FAM124A: variants seen among roughly 807,000 people sequenced by gnomAD.
FAM124A encodes protein FAM124A.
In FAM124A, 23 loss-of-function variants were observed where a neutral mutation model predicts 24.5. The observed-to-expected ratio is 0.94, with a 90% CI of 0.68 to 1.33. The LOEUF is 1.33. Ranked by LOEUF, FAM124A falls within the 40% of genes most tolerant of loss-of-function variation. The pLI is 0.00. For synonymous variants in FAM124A, 287 were observed against 314.7 expected, an observed-to-expected ratio of 0.91 and a Z score of 0.93; for missense variants, 623 against 722.8, an observed-to-expected ratio of 0.86 and a Z score of 1.58.
At chr13:51,239,000 A>T (rs78371321) in intron 2 of FAM124A, among the ~76,000 whole-genome samples, 1,549 of 152,248 alleles carry the variant, frequency 0.01, 21 homozygotes, top group East Asian at 0.065. Flanking sequence ...AACTCGACAG[A>T]GGGTGTTGAT....
At chr13:51,227,220 C>G (rs1954324245) in intron 1 of FAM124A, 1 of 152,122 alleles carries the variant, frequency 6.6e-6, no homozygotes, top group African/African-American at 2.4e-5. Context: ...GGGCATGCCT[C>G]ACTATTCTAA....
At chr13:51,261,894 C>T (rs900748645) in intron 3 of FAM124A, among the ~76,000 whole-genome samples, 3 of 152,222 alleles carry the variant, frequency 2.0e-5, no homozygotes, top group East Asian at 1.9e-4. Flanking sequence ...TCAGCAAACT[C>T]TTTGAACAGC....
chr13:51,224,331 T>C (rs7333495), intron 1 of FAM124A, among the ~76,000 whole-genome samples: 69,991 of 151,990 alleles, frequency 0.46, 16,853 homozygotes, highest in East Asian at 0.65. Flanking sequence ...ATTAGCCAGG[T>C]GTGGTGGCGC....
chr13:51,223,017 G>T (rs1181613210), intron 1 of FAM124A, among the ~76,000 whole-genome samples: 1 of 152,088 alleles, frequency 6.6e-6, no homozygotes, highest in Non-Finnish European at 1.5e-5. Flanking sequence ...TAGGAGGATG[G>T]CATTTCTCGT....
At chr13:51,270,443 T>G (rs1954830078) in intron 3 of FAM124A, among the ~76,000 whole-genome samples, 1 of 152,188 alleles carries the variant, frequency 6.6e-6, no homozygotes, top group African/African-American at 2.4e-5. Context: ...TTTATAATGT[T>G]CTTATTTGCT....
At chr13:51,233,606 C>T (rs984682246) in intron 2 of FAM124A, among the ~76,000 whole-genome samples, 18 of 152,124 alleles carry the variant, frequency 1.2e-4, no homozygotes, top group Admixed American at 1.0e-3. Flanking sequence ...AGCACCAGCA[C>T]GGTGCCTGGC....
Position 51,258,543 on chromosome 13 carries a change from G to A in FAM124A, c.834+6342G>A, listed in dbSNP as rs114497648. On this transcript the variant is annotated intron_variant, in intron 3 of 3. Coordinates refer to ENST00000322475, the MANE Select transcript of FAM124A (RefSeq NM_001242312.2). This position sits in a 1 kb window ranked among gnomAD's most constrained non-coding sequence, Gnocchi z 4.2. ...CTTATGCCAGGCTTCACCTTTCAGA[G>A]CAATGGAGATGGCAGACATGCAAAC... 0.018 allele frequency among the ~76,000 whole-genome samples: 2,791 copies of A among 152,268 alleles called. 81 individuals are homozygous for A. The highest frequency in any genetic ancestry group is 0.063 in the African/African-American group (2,597 of 41,516).
chr13:51,277,126 G>T (rs1954892585), intron 3 of FAM124A, among the ~76,000 whole-genome samples: 1 of 152,056 alleles, frequency 6.6e-6, no homozygotes, highest in African/African-American at 2.4e-5. Flanking sequence ...GGTATATATA[G>T]CATGGAATAC....
At chr13:51,252,859 G>C (rs1252750499) in intron 3 of FAM124A, 1 of 152,476 alleles carries the variant, frequency 6.6e-6, no homozygotes, top group Admixed American at 6.5e-5. Flanking sequence ...TTCATTTTAA[G>C]TAGGCTGCCC....
Position 51,280,443 on chromosome 13 carries a change from C to G in FAM124A, c.835-7C>G. ...TGCACTAATGTGATCTGCCTCTCCC[C>G]CCACAGGCACAAAGGGTGCATAAGA... On this transcript the variant is annotated splice_polypyrimidine_tract_variant and splice_region_variant and intron_variant, in intron 3 of 3. Transcript: ENST00000322475. 6.3e-7 allele frequency: 1 copy of G among 1,580,404 alleles called. No individual in the cohort carries two copies. The highest frequency in any genetic ancestry group is 8.6e-7 in the Non-Finnish European group (1 of 1,160,668).
intron 3 of FAM124A, chr13:51,252,665 G>A (rs1045639173): frequency 6.2e-6 from 1 of 162,208 alleles, no homozygotes; most frequent in Non-Finnish European, 1.4e-5. Context: ...GTTCATAGAG[G>A]AGATAGCTGT....
chr13:51,238,254 G>A (rs1340882253), intron 2 of FAM124A, among the ~76,000 whole-genome samples: 3 of 152,204 alleles, frequency 2.0e-5, no homozygotes, highest in African/African-American at 7.2e-5. Context: ...TTGCTGCTCA[G>A]AGTGTGGTCC....
At chr13:51,235,273 C>T (rs1954423906) in intron 2 of FAM124A, among the ~76,000 whole-genome samples, 1 of 151,764 alleles carries the variant, frequency 6.6e-6, no homozygotes, top group South Asian at 2.1e-4. Flanking sequence ...CCTGTTTTTC[C>T]AGAAATCTAA....
intron 3 of FAM124A, among the ~76,000 whole-genome samples, chr13:51,278,205 G>A (rs1415145880): frequency 6.6e-6 from 1 of 152,188 alleles, no homozygotes; most frequent in African/African-American, 2.4e-5. Flanking sequence ...AAAGCCAGGG[G>A]GAGGCTTCCA....
chr13:51,270,275 A>G (rs1340469841), intron 3 of FAM124A, among the ~76,000 whole-genome samples: 1 of 152,204 alleles, frequency 6.6e-6, no homozygotes, highest in African/African-American at 2.4e-5. Context: ...CAAACTTGAG[A>G]TAACTCATTA....
At chr13:51,260,544 G>C (rs1002729094) in intron 3 of FAM124A, among the ~76,000 whole-genome samples, 2 of 152,208 alleles carry the variant, frequency 1.3e-5, no homozygotes, top group African/African-American at 4.8e-5. Context: ...GGCTAAGTGT[G>C]ATCTAATATC....
At chr13:51,267,594 G>T (rs1218622289) in intron 3 of FAM124A, among the ~76,000 whole-genome samples, 1 of 151,986 alleles carries the variant, frequency 6.6e-6, no homozygotes, top group Non-Finnish European at 1.5e-5. Flanking sequence ...TAGGTTTCAT[G>T]TAAATAAGAT....
At chr13:51,223,538 T>C (rs899433521) in intron 1 of FAM124A, among the ~76,000 whole-genome samples, 2 of 152,136 alleles carry the variant, frequency 1.3e-5, no homozygotes, top group Non-Finnish European at 2.9e-5. Flanking sequence ...ATCTCAGGAT[T>C]TGGCAACCCT....
chr13:51,247,846 G>C (rs1177728409), intron 2 of FAM124A, among the ~76,000 whole-genome samples: 1 of 152,080 alleles, frequency 6.6e-6, no homozygotes, highest in Non-Finnish European at 1.5e-5. Context: ...AAATTTCATC[G>C]CAGCTTTACT....
Sources: gnomAD v4.1 joint callset for allele counts (sites outside exome capture counted in the v4.1 genomes callset) on GRCh38, gnomAD v4.1.1 for gene constraint, Gnocchi (gnomAD v3.1) non-coding constraint, MANE v1.5 for transcripts, NCBI Gene and HGNC (gene_info 2026-07-23, HGNC 2026-07-21) for gene names.